Variants in AGBL1 observed in about 807,000 individuals in gnomAD.
AGBL1 encodes the protein AGBL carboxypeptidase 1, also known as cytosolic carboxypeptidase 4.
In AGBL1, 130 loss-of-function variants were observed where a neutral mutation model predicts 118.9. The ratio of observed to expected loss-of-function variants is 1.09; its 90% CI spans 0.95 to 1.26. The LOEUF is 1.26. AGBL1 is among the 50% of genes most tolerant of loss of function. The pLI, the probability that AGBL1 is intolerant of heterozygous loss-of-function variation, is 0.00. For synonymous variants in AGBL1, 555 were observed against 478.9 expected, an observed-to-expected ratio of 1.16 and a Z score of -2.08; for missense variants, 1,584 against 1,298.1, an observed-to-expected ratio of 1.22 and a Z score of -3.38.
At chr15:86,746,719 C>G (rs955063922) in intron 22 of AGBL1, among the ~76,000 whole-genome samples, 1 of 151,956 alleles carries the variant, frequency 6.6e-6, no homozygotes. Flanking sequence ...TTTATGGCAG[C>G]CACTGTATCT....
chr15:86,408,855 A>G (rs543501633), intron 18 of AGBL1, among the ~76,000 whole-genome samples: 3 of 152,262 alleles, frequency 2.0e-5, no homozygotes, highest in South Asian at 4.1e-4. Context: ...GGTCTGAGGA[A>G]CTACAATTTT....
chr15:86,487,244 A>C (rs1432901961), intron 18 of AGBL1, among the ~76,000 whole-genome samples: 6 of 152,050 alleles, frequency 3.9e-5, no homozygotes, highest in Non-Finnish European at 7.4e-5. Flanking sequence ...AAACAAGCTC[A>C]GTCCGCATGA....
chr15:86,464,456 G>A lies in AGBL1; in HGVS notation c.2556-58354G>A, dbSNP rs529959519. Reference sequence around the variant, plus strand: ...TTCTTTCTCTTGCCTGATTGCACTGGCCAGAACTTCCAATACTATGTTGAA... The same window carrying A: ...TTCTTTCTCTTGCCTGATTGCACTGACCAGAACTTCCAATACTATGTTGAA... On this transcript the variant is annotated intron_variant, in intron 18 of 22. Transcript: ENST00000614907. Among the ~76,000 whole-genome samples, 223 of 152,260 alleles carry A rather than the reference G, an allele frequency of 1.5e-3. 6 individuals carry two copies. The South Asian group carries it at 0.044, about 30-fold the overall frequency.
intron 23 of AGBL1, among the ~76,000 whole-genome samples, chr15:86,977,887 G>GT (rs2081191289): frequency 6.6e-6 from 1 of 152,026 alleles, no homozygotes; most frequent in Admixed American, 6.6e-5. Context: ...TCTTTAGCTT[G>GT]TTTATTAAGT....
At chr15:86,844,008 T>C (rs2079284110) in intron 22 of AGBL1, among the ~76,000 whole-genome samples, 2 of 152,292 alleles carry the variant, frequency 1.3e-5, no homozygotes, top group Admixed American at 6.5e-5. Context: ...TCTGGCTTCC[T>C]TCACATGGCA....
At chr15:86,900,652 ATTT>A (rs71144080) in intron 22 of AGBL1, among the ~76,000 whole-genome samples, 1 of 146,604 alleles carries the variant, frequency 6.8e-6, no homozygotes. Context: ...TTATATCAGA[ATTT>A]TTTTTTTTTT....
intron 24 of AGBL1, among the ~76,000 whole-genome samples, chr15:87,009,516 C>T (rs553005448): frequency 1.2e-3 from 179 of 152,336 alleles, no homozygotes; most frequent in African/African-American, 4.2e-3. Context: ...TTGGAGCCCC[C>T]ACACAGAGTC....
At chr15:86,665,028 T>A (rs1185840766) in intron 21 of AGBL1, among the ~76,000 whole-genome samples, 6 of 152,186 alleles carry the variant, frequency 3.9e-5, no homozygotes, top group African/African-American at 1.4e-4. Context: ...GTTAACATTT[T>A]TGTGCCCATA....
chr15:87,020,875 C>G (rs2081657670), intron 24 of AGBL1, among the ~76,000 whole-genome samples: 1 of 152,078 alleles, frequency 6.6e-6, no homozygotes, highest in Non-Finnish European at 1.5e-5. Flanking sequence ...AAAAACATTC[C>G]ATGCTCATGG....
At chr15:86,573,333 A>G (rs749530394) in intron 21 of AGBL1, among the ~76,000 whole-genome samples, 5 of 152,354 alleles carry the variant, frequency 3.3e-5, no homozygotes, top group Non-Finnish European at 4.4e-5. Context: ...CATGTCTTCT[A>G]CAGTTTATAG....
In AGBL1 at chr15:87,013,883, A is replaced by G. The variant is rs970721570; in HGVS notation, c.3324-14942A>G. On this transcript the variant is annotated intron_variant, in intron 24 of 24. Coordinates refer to the AGBL1 transcript ENST00000441037. ...GGTAGCAGGGAGGTCATGGGCTTTG[A>G]ACATAGACACACTTGATTTGATTCC... 5.3e-5 allele frequency among the ~76,000 whole-genome samples: 8 copies of G among 152,284 alleles called. 1 individual carries two copies. The highest frequency in any genetic ancestry group is 1.2e-4 in the African/African-American group (5 of 41,572).
At chr15:86,885,728 G>C (rs1449166726) in intron 22 of AGBL1, among the ~76,000 whole-genome samples, 1 of 152,096 alleles carries the variant, frequency 6.6e-6, no homozygotes, top group Non-Finnish European at 1.5e-5. Flanking sequence ...CAAAATTATG[G>C]TTTTACTCCA....
At chr15:86,393,253 C>T (rs2081314296) in intron 17 of AGBL1, among the ~76,000 whole-genome samples, 1 of 152,172 alleles carries the variant, frequency 6.6e-6, no homozygotes, top group African/African-American at 2.4e-5. Context: ...TGATGTCTCT[C>T]TGTTAGAGCT....
intron 22 of AGBL1, among the ~76,000 whole-genome samples, chr15:86,708,884 C>T (rs367554713): frequency 9.9e-5 from 15 of 152,090 alleles, no homozygotes; most frequent in African/African-American, 3.4e-4. Context: ...CTTGCCAAGT[C>T]CTAAATCATC....
At chr15:86,286,116 CT>C (rs36095501) in intron 16 of AGBL1, among the ~76,000 whole-genome samples, 53,616 of 149,400 alleles carry the variant, frequency 0.36, 10,017 homozygotes, top group African/African-American at 0.42. Context: ...TTTTCTTTTT[CT>C]TTTTTTTTAC....
Position 86,503,917 on chromosome 15 carries a change from T to C in AGBL1, c.2556-18893T>C, listed in dbSNP as rs921733818. On this transcript the variant is annotated intron_variant, in intron 18 of 22. Coordinates refer to ENST00000614907, the MANE Select transcript of AGBL1 (RefSeq NM_001386094.1). ...TTTCTGTTTTTGTTGGACCAAGTGT[T>C]CTATAGATGTCTGTTAATCTACTTG... Among the ~76,000 whole-genome samples, 3 of 151,770 alleles carry C rather than the reference T, an allele frequency of 2.0e-5. No homozygotes were observed. In the East Asian group the frequency reaches 5.8e-4, roughly 29 times the overall value.
intron 7 of AGBL1, 72 bp downstream of exon 7, chr15:86,247,951 TC>T: frequency 6.5e-7 from 1 of 1,544,328 alleles, no homozygotes; most frequent in Non-Finnish European, 8.9e-7. Flanking sequence ...CATTTAGGAA[TC>T]ATCCCAGATA....
In AGBL1 at chr15:86,509,946, A is replaced by ATT. The variant is rs71144048; in HGVS notation, c.2556-12850_2556-12849dup. On this transcript the variant is annotated intron_variant, in intron 18 of 22. Transcript: ENST00000614907. ...AAGTGTCAAAACAAGGCTGAAGCTC[A>ATT]TTTTTTTTTTTTTTTCCTGATTTCT... Among the ~76,000 whole-genome samples the ATT allele has an allele frequency of 3.3e-3, 476 of 142,870 alleles. 2 individuals are homozygous for ATT. The highest frequency in any genetic ancestry group is 0.023 in the East Asian group (112 of 4,842). 93.7% of individuals were successfully genotyped at this position (142,870 alleles called of 152,430 possible).
intron 23 of AGBL1, among the ~76,000 whole-genome samples, chr15:86,951,021 C>A (rs2080875989): frequency 6.6e-6 from 1 of 152,150 alleles, no homozygotes; most frequent in African/African-American, 2.4e-5. Flanking sequence ...ATGCAGAGTT[C>A]TACAAAAACC....
Sources: gnomAD v4.1 joint callset for allele counts (sites outside exome capture counted in the v4.1 genomes callset) on GRCh38, gnomAD v4.1.1 for gene constraint, MANE v1.5 for transcripts, NCBI Gene and HGNC (gene_info 2026-07-23, HGNC 2026-07-21) for gene names.